MMP26: variants seen among roughly 807,000 people sequenced by gnomAD.
MMP26 encodes the protein matrix metalloproteinase-26.
A neutral mutation model predicts 31.0 loss-of-function variants in MMP26; 33 were observed. The observed-to-expected ratio is 1.06, with a 90% CI of 0.81 to 1.42. MMP26 has a LOEUF of 1.42. Among genes scored for constraint, MMP26 ranks in the 40% most tolerant of loss-of-function variants. MMP26 has a pLI of 0.00. For synonymous variants in MMP26, 122 were observed against 114.9 expected (o/e 1.06, Z -0.40); for missense variants, 347 against 316.1 (o/e 1.10, Z -0.74).
intron 2 of MMP26, among the ~76,000 whole-genome samples, chr11:4,965,954 T>C (rs113680286): frequency 0.012 from 1,850 of 152,272 alleles, 47 homozygotes; most frequent in African/African-American, 0.042. Flanking sequence ...AAAAATAAAT[T>C]ACATGAGAAC....
chr11:4,803,507 G>T, intron 2 of MMP26: 1 of 1,614,016 alleles, frequency 6.2e-7, no homozygotes. Flanking sequence ...TAAATGATGG[G>T]GTTGAGCATG....
At chr11:4,852,610 TG>T (rs1849990924) in intron 2 of MMP26, among the ~76,000 whole-genome samples, 1 of 152,158 alleles carries the variant, frequency 6.6e-6, no homozygotes, top group Admixed American at 6.5e-5. Flanking sequence ...TCCTTTACAT[TG>T]TTGGTAGGAG....
At chr11:4,848,322 G>C (rs1337752275) in intron 2 of MMP26, 1 of 1,613,966 alleles carries the variant, frequency 6.2e-7, no homozygotes, top group Non-Finnish European at 8.5e-7. Flanking sequence ...ATAGAGAATA[G>C]GGTTTATCAA....
chr11:4,750,598 A>G (rs1290461769), intron 1 of MMP26, among the ~76,000 whole-genome samples: 3 of 152,092 alleles, frequency 2.0e-5, no homozygotes, highest in African/African-American at 7.2e-5. Context: ...CATAAAAAAG[A>G]ATGAAGTGAT....
At chr11:4,769,910 A>G in intron 2 of MMP26, 1 of 1,588,514 alleles carries the variant, frequency 6.3e-7, no homozygotes, top group Non-Finnish European at 8.6e-7. Flanking sequence ...GTTGCTTAGG[A>G]TTTCCATGGT....
At chr11:4,753,182 C>G (rs2133302445) in intron 1 of MMP26, among the ~76,000 whole-genome samples, 2 of 152,178 alleles carry the variant, frequency 1.3e-5, no homozygotes, top group Middle Eastern at 3.4e-3. Context: ...CCCAGAAGAC[C>G]TCTTAATGCC....
intron 2 of MMP26, chr11:4,848,255 C>T (rs1849903680): frequency 1.4e-5 from 22 of 1,607,818 alleles, no homozygotes; most frequent in East Asian, 1.3e-4. Flanking sequence ...CACCACCCAC[C>T]TTCCTGGGCT....
chr11:4,848,410 G>C (rs866748832), intron 2 of MMP26: 5 of 1,614,046 alleles, frequency 3.1e-6, no homozygotes, highest in Non-Finnish European at 4.2e-6. Context: ...TGGTTAATCA[G>C]TGCCAGGAGG....
intron 1 of MMP26, chr11:4,718,496 C>T (rs1451410429): frequency 1.3e-5 from 2 of 152,176 alleles, no homozygotes; most frequent in African/African-American, 2.4e-5. Flanking sequence ...ATAAGGTAGA[C>T]ATTATCTTTT....
chr11:4,754,556 A>G (rs761918309), intron 1 of MMP26, among the ~76,000 whole-genome samples: 7 of 152,068 alleles, frequency 4.6e-5, no homozygotes, highest in Admixed American at 3.3e-4. Context: ...TAGTCAAAAT[A>G]TAATTTTAAG....
At chr11:4,767,139 G>A (rs1213329367) in intron 1 of MMP26, 131 bp from the exon 2 acceptor site, 1 of 152,088 alleles carries the variant, frequency 6.6e-6, no homozygotes, top group Non-Finnish European at 1.5e-5. Flanking sequence ...GAAGAAGAGA[G>A]AAAATAGAAG....
chr11:4,800,735 A>G (rs1280366779), intron 2 of MMP26, among the ~76,000 whole-genome samples: 1 of 152,140 alleles, frequency 6.6e-6, no homozygotes, highest in Non-Finnish European at 1.5e-5. Context: ...TTTAAATATA[A>G]GTTCCTACTT....
intron 2 of MMP26, among the ~76,000 whole-genome samples, chr11:4,978,789 T>C (rs1307626645): frequency 6.6e-6 from 1 of 152,124 alleles, no homozygotes; most frequent in African/African-American, 2.4e-5. Context: ...AGGATTACGT[T>C]GTTAGGGTCC....
chr11:4,825,434 A>G lies in MMP26; in HGVS notation c.-145+58093A>G, dbSNP rs778374704. On this transcript the variant is annotated intron_variant, in intron 2 of 7. Coordinates refer to ENST00000380390, the MANE Select transcript of MMP26 (RefSeq NM_021801.5). ...TTAGAGCTGTATAATCTATGTCTGA[A>G]TGAGATAAAGGTTTCTGTCAGTGTT... Among the ~76,000 whole-genome samples the G allele has an allele frequency of 5.7e-4, 86 of 152,118 alleles. 1 individual carries two copies. Among genetic ancestry groups the G allele is most frequent in the Non-Finnish European group, 1.1e-3 (78 of 67,998 alleles).
chr11:4,857,924 T>C (rs1003054597), intron 2 of MMP26, among the ~76,000 whole-genome samples: 11 of 152,068 alleles, frequency 7.2e-5, no homozygotes, highest in Admixed American at 6.6e-4. Context: ...GTTCGACATA[T>C]GCAAATCAAT....
chr11:4,804,532 A>G, intron 2 of MMP26: 1 of 786,232 alleles, frequency 1.3e-6, no homozygotes, highest in Non-Finnish European at 2.4e-6. Context: ...AATAATTTCA[A>G]CTGTTTTAAT....
intron 2 of MMP26, among the ~76,000 whole-genome samples, chr11:4,776,075 C>T (rs1848787718): frequency 2.0e-5 from 3 of 152,230 alleles, no homozygotes; most frequent in Admixed American, 2.0e-4. Flanking sequence ...AGTTGCTTCT[C>T]TTAAGATCAT....
At chr11:4,952,192 C>G (rs1199526736) in intron 2 of MMP26, among the ~76,000 whole-genome samples, 2 of 124,804 alleles carry the variant, frequency 1.6e-5, no homozygotes, top group East Asian at 4.6e-4. Context: ...TTTTATTTTT[C>G]ATTTTATTTT....
intron 2 of MMP26, chr11:4,944,080 A>C: frequency 4.4e-6 from 2 of 450,744 alleles, no homozygotes; most frequent in Non-Finnish European, 8.9e-6. Context: ...TGGTTGTACT[A>C]CAACCCCAAA....
Sources: gnomAD v4.1 joint callset for allele counts (sites outside exome capture counted in the v4.1 genomes callset) on GRCh38, gnomAD v4.1.1 for gene constraint, MANE v1.5 for transcripts, NCBI Gene and HGNC (gene_info 2026-07-23, HGNC 2026-07-21) for gene names.